Variants in EIF2AK3 observed in about 807,000 individuals in gnomAD.
EIF2AK3 encodes the protein eukaryotic translation initiation factor 2 alpha kinase 3.
Under a neutral mutation model 113.5 loss-of-function variants are expected in EIF2AK3, and 50 were observed. The ratio of observed to expected loss-of-function variants is 0.44; its 90% confidence interval spans 0.35 to 0.56. The LOEUF is 0.56. Among genes scored for constraint, EIF2AK3 ranks in the 20% least tolerant of loss-of-function variants. EIF2AK3 has a pLI of 0.00. For synonymous variants in EIF2AK3, 448 were observed against 495.4 expected (o/e 0.90, Z 1.27); for missense variants, 1,185 against 1,378.0 (o/e 0.86, Z 2.22).
At chr2:88,566,864 C>T (rs986966856) in intron 14 of EIF2AK3, among the ~76,000 whole-genome samples, 2 of 152,160 alleles carry the variant, frequency 1.3e-5, no homozygotes, top group Non-Finnish European at 2.9e-5. Context: ...GGGAGGATCA[C>T]TTGAGCCCAG....
intron 2 of EIF2AK3, 104 bp from the exon 3 acceptor site, chr2:88,595,767 G>A: frequency 8.8e-7 from 1 of 1,130,696 alleles, no homozygotes; most frequent in Non-Finnish European, 1.3e-6. Flanking sequence ...AAGAATAATA[G>A]TAATTAAGAG....
chr2:88,586,107 A>C (rs760446663), intron 8 of EIF2AK3, 46 bp from the exon 9 acceptor site: 3 of 1,458,050 alleles, frequency 2.1e-6, no homozygotes, highest in Non-Finnish European at 1.9e-6. Context: ...GTAATCAAAA[A>C]TAGGCCCGTC....
intron 14 of EIF2AK3, among the ~76,000 whole-genome samples, chr2:88,569,143 G>A (rs972485749): frequency 6.6e-6 from 1 of 152,014 alleles, no homozygotes; most frequent in African/African-American, 2.4e-5. Context: ...TGCCTGCCTC[G>A]GCCTCCCAAA....
At chr2:88,591,163 A>G (rs1674880594) in intron 4 of EIF2AK3, 111 bp from the exon 5 acceptor site, 9 of 979,346 alleles carry the variant, frequency 9.2e-6, no homozygotes, top group Non-Finnish European at 1.4e-5. Flanking sequence ...TGATGAGAAA[A>G]CTAACAACAT....
intron 10 of EIF2AK3, among the ~76,000 whole-genome samples, chr2:88,580,842 C>CT (rs1674580789): frequency 6.6e-6 from 1 of 152,084 alleles, no homozygotes; most frequent in Non-Finnish European, 1.5e-5. Context: ...GGGCCAATTC[C>CT]TTTCATAGAA....
At chr2:88,595,274 G>C (rs1356422445) in intron 3 of EIF2AK3, among the ~76,000 whole-genome samples, 195 bp downstream of exon 3, 1 of 149,448 alleles carries the variant, frequency 6.7e-6, no homozygotes, top group East Asian at 2.0e-4. Context: ...TCTTCCTCCT[G>C]CTATTCCTGG....
intron 4 of EIF2AK3, among the ~76,000 whole-genome samples, 158 bp from the exon 5 acceptor site, chr2:88,591,210 A>G (rs887587796): frequency 1.3e-5 from 2 of 152,194 alleles, no homozygotes; most frequent in Non-Finnish European, 2.9e-5. Context: ...GATTTATGCC[A>G]CAAGAGGGCC....
chr2:88,606,462 T>A (rs1573416659), intron 2 of EIF2AK3, among the ~76,000 whole-genome samples: 1 of 152,118 alleles, frequency 6.6e-6, no homozygotes, highest in African/African-American at 2.4e-5. Context: ...ATTTCTATAA[T>A]TAAAAGAAAA....
In EIF2AK3 at chr2:88,557,605, T is replaced by C. The variant is rs1673814518; in HGVS notation, c.*131A>G. 2 of 970,310 alleles carry C rather than the reference T, an allele frequency of 2.1e-6. No individual in the cohort carries two copies. Among genetic ancestry groups the C allele is most frequent in the Non-Finnish European group, 3.3e-6 (2 of 605,614 alleles). 60.1% of individuals were successfully genotyped at this position (970,310 alleles called of 1,614,324 possible). Reference sequence around the variant, plus strand: ...GCCCCCAAATCCAGCTTAAATTTGATATAAAAAAAGTAGTCCACAAAAAAA... The same window carrying C: ...GCCCCCAAATCCAGCTTAAATTTGACATAAAAAAAGTAGTCCACAAAAAAA... On this transcript the variant is annotated 3_prime_UTR_variant, in exon 17 of 17. Transcript: ENST00000303236.
intron 3 of EIF2AK3, among the ~76,000 whole-genome samples, chr2:88,594,956 G>A (rs931084860): frequency 3.3e-5 from 5 of 151,902 alleles, no homozygotes; most frequent in African/African-American, 1.2e-4. Flanking sequence ...CACTTTGGGA[G>A]GCTGAAGTGG....
chr2:88,598,786 T>C (rs543116613), intron 2 of EIF2AK3, among the ~76,000 whole-genome samples: 29 of 152,188 alleles, frequency 1.9e-4, no homozygotes, highest in Non-Finnish European at 3.8e-4. Flanking sequence ...TATAAATTGA[T>C]AATGCTTATA....
At chr2:88,590,754 C>T in intron 5 of EIF2AK3, 64 bp downstream of exon 5, 30 of 1,593,266 alleles carry the variant, frequency 1.9e-5, no homozygotes, top group Non-Finnish European at 2.6e-5. Context: ...TCCACCCAAT[C>T]AATAAGTTTG....
chr2:88,562,349 A>T lies in EIF2AK3; in HGVS notation c.3027T>A (p.Ser1009=), dbSNP rs1222722477. 6.2e-7 allele frequency: 1 copy of T among 1,614,022 alleles called. No individual in the cohort carries two copies. Among genetic ancestry groups the T allele is most frequent in the East Asian group, 2.2e-5 (1 of 44,870 alleles). Residue 1009 remains serine, a synonymous_variant, in exon 15 of 17, where the codon TCT becomes TCA. Transcript: ENST00000303236. ...NSYSHKVDIF[S]LGLILFELLY... ...GCAATTCAAATAGAATCAGGCCTAA[A>T]GAAAAGATGTCCACTTTATGAGAAT...
chr2:88,566,119 G>A (rs1189020681), intron 14 of EIF2AK3, among the ~76,000 whole-genome samples: 2 of 152,068 alleles, frequency 1.3e-5, no homozygotes, highest in African/African-American at 4.8e-5. Context: ...CTATTTTACT[G>A]TTTCACCAGT....
intron 1 of EIF2AK3, among the ~76,000 whole-genome samples, 160 bp downstream of exon 1, chr2:88,626,807 G>C (rs1197910550): frequency 1.3e-5 from 2 of 152,248 alleles, no homozygotes; most frequent in African/African-American, 2.4e-5. Context: ...CGGGGGATGG[G>C]AGGGCGTCGT....
chr2:88,599,404 T>G (rs1239851742), intron 2 of EIF2AK3, among the ~76,000 whole-genome samples: 1 of 152,016 alleles, frequency 6.6e-6, no homozygotes, highest in African/African-American at 2.4e-5. Flanking sequence ...AACTTGAAGT[T>G]GCCATTAGAA....
At chr2:88,562,189 C>A in intron 15 of EIF2AK3, 100 bp downstream of exon 15, 1 of 896,060 alleles carries the variant, frequency 1.1e-6, no homozygotes, top group South Asian at 1.4e-5. Context: ...GTTAACCAAT[C>A]TGCTGGTATT....
Position 88,586,056 on chromosome 2 carries a change from C to T in EIF2AK3, c.1435G>A (p.Gly479Ser), listed in dbSNP as rs921135222. Residue 479 changes from glycine (G) to serine (S), a missense_variant, in exon 9 of 17, where the codon GGT (glycine) becomes AGT (serine). This residue lies in a region of EIF2AK3 where 877 missense variants were observed against 1,024.2 expected (regional missense o/e 0.86). Transcript: ENST00000303236. ...LSILQYPYDN[G>S]YYLPYYKRER... is the part of the protein sequence containing the mutation. ...CTCTTGTAGTATGGTAGATAATAAC[C>T]ATTATCTTCAAATAGAAACATTAAA... is the stretch of plus-strand genomic sequence containing the variant. The T allele has an allele frequency of 6.2e-7, 1 of 1,611,676 alleles. No individual in the cohort carries two copies. Among genetic ancestry groups the T allele is most frequent in the South Asian group, 1.1e-5 (1 of 90,984 alleles).
At chr2:88,559,289 A>AT (rs1012507679) in intron 15 of EIF2AK3, among the ~76,000 whole-genome samples, 1 of 152,104 alleles carries the variant, frequency 6.6e-6, no homozygotes, top group African/African-American at 2.4e-5. Context: ...ACAGATACAG[A>AT]TTTTTTTCTT....
Sources: gnomAD v4.1 joint callset for allele counts (sites outside exome capture counted in the v4.1 genomes callset) on GRCh38, gnomAD v4.1.1 for gene constraint, gnomAD v4.1.1 regional missense constraint, MANE v1.5 for transcripts, NCBI Gene and HGNC (gene_info 2026-07-23, HGNC 2026-07-21) for gene names.